Variants in INPP5D observed in about 807,000 individuals in gnomAD.
INPP5D encodes inositol polyphosphate-5-phosphatase D, also known as phosphatidylinositol 3,4,5-trisphosphate 5-phosphatase 1.
INPP5D carries 33 observed loss-of-function variants against 122.9 expected under a neutral mutation model. The ratio of observed to expected loss-of-function variants is 0.27; its 90% CI spans 0.20 to 0.36. The LOEUF (loss-of-function observed/expected upper bound fraction) is 0.36. Ranked by LOEUF, INPP5D falls within the 10% of genes least tolerant of loss-of-function variation. The pLI is 1.00. For missense variants in INPP5D, 1,053 were observed against 1,412.7 expected (o/e 0.75, Z 4.08); for synonymous variants, 584 against 576.2 (o/e 1.01, Z -0.19).
At chr2:233,120,169 C>G (rs1029488037) in intron 2 of INPP5D, among the ~76,000 whole-genome samples, 2 of 152,194 alleles carry the variant, frequency 1.3e-5, no homozygotes, top group Non-Finnish European at 2.9e-5. Context: ...AAGGATGGCG[C>G]CTTCTCAACT....
chr2:233,132,031 G>A (rs1166664455), intron 5 of INPP5D, among the ~76,000 whole-genome samples: 1 of 152,174 alleles, frequency 6.6e-6, no homozygotes, highest in Non-Finnish European at 1.5e-5. Flanking sequence ...TCAATGAATT[G>A]GCTTTCAACT....
At position 233,122,182 on chromosome 2, in the gene INPP5D, G is replaced by C. The variant is rs1693003847; in HGVS notation, c.274G>C (p.Gly92Arg). ...CGAGTTTTACAAGAAGGAAAACATGGGGCTGGTGACCCATCTGCAATACCC... is the reference window on the plus strand; with the variant it reads ...CGAGTTTTACAAGAAGGAAAACATGCGGCTGGTGACCCATCTGCAATACCC... ...LIEFYKKENM[G>R]LVTHLQYPVP... is the part of the protein sequence containing the mutation. Residue 92 changes from glycine (G) to arginine (R), a missense_variant, in exon 3 of 27, where the codon GGG (glycine) becomes CGG (arginine). Around this residue, in one of 6 missense-constraint regions of INPP5D, gnomAD observed 74 missense variants for 146.6 expected, o/e 0.50. Coordinates refer to ENST00000445964, the MANE Select transcript of INPP5D (RefSeq NM_001017915.3). 1.2e-6 allele frequency: 2 copies of C among 1,613,814 alleles called. No homozygotes were observed. The highest frequency in any genetic ancestry group is 1.7e-6 in the Non-Finnish European group (2 of 1,179,888).
intron 2 of INPP5D, among the ~76,000 whole-genome samples, chr2:233,103,700 TTC>T (rs1273027313): frequency 1.4e-5 from 2 of 147,936 alleles, no homozygotes; most frequent in Non-Finnish European, 3.0e-5. Context: ...AGAAAAGTAG[TTC>T]TTTTTTTTTT....
At chr2:233,076,530 T>C (rs1187426763) in intron 1 of INPP5D, 1 of 152,278 alleles carries the variant, frequency 6.6e-6, no homozygotes, top group Non-Finnish European at 1.5e-5. Context: ...CTCAAAATTC[T>C]TTTTAAGTAC....
intron 2 of INPP5D, among the ~76,000 whole-genome samples, chr2:233,106,599 C>T (rs1263816687): frequency 6.6e-6 from 1 of 152,234 alleles, no homozygotes; most frequent in African/African-American, 2.4e-5. Flanking sequence ...GCCCTTCTGC[C>T]ACAGCACCCC....
At chr2:233,145,175 G>A in intron 6 of INPP5D, 1 of 455,396 alleles carries the variant, frequency 2.2e-6, no homozygotes, top group Non-Finnish European at 4.4e-6. Context: ...TAGAATAGAT[G>A]CTTTGTAAAT....
At chr2:233,084,536 T>C (rs1167791009) in intron 2 of INPP5D, among the ~76,000 whole-genome samples, 1 of 152,216 alleles carries the variant, frequency 6.6e-6, no homozygotes, top group Non-Finnish European at 1.5e-5. Context: ...CTGTCACGTA[T>C]CTCCGGGCGA....
Position 233,160,306 on chromosome 2 carries a change from G to A in INPP5D, c.1138-1418G>A, listed in dbSNP as rs549969549. Among the ~76,000 whole-genome samples, 1 of 152,340 alleles carries A rather than the reference G, an allele frequency of 6.6e-6. No homozygotes were observed. The highest frequency in any genetic ancestry group is 2.4e-5 in the African/African-American group (1 of 41,590). ...CCTGAAATTTGTGTACTTTGTTAAA[G>A]TCCGCCTGCTCTATTGATTGCATCC... is the stretch of plus-strand genomic sequence containing the variant. On this transcript the variant is annotated intron_variant, in intron 10 of 26. Transcript: ENST00000445964. This position sits in a 1 kb window ranked among gnomAD's most constrained non-coding sequence, Gnocchi z 4.2.
intron 25 of INPP5D, among the ~76,000 whole-genome samples, chr2:233,203,563 A>G (rs1343888859): frequency 1.3e-5 from 2 of 152,156 alleles, no homozygotes; most frequent in African/African-American, 2.4e-5. Flanking sequence ...CTTGAGGTGA[A>G]ATTCACTTAA....
In INPP5D at chr2:233,139,466, C is replaced by CTGTGTGTGTGTG. The variant is rs1191977468; in HGVS notation, c.666-348_666-337dup. Among the ~76,000 whole-genome samples the CTGTGTGTGTGTG allele has an allele frequency of 6.4e-3, 942 of 147,524 alleles. 6 individuals carry two copies. The highest frequency in any genetic ancestry group is 0.02 in the African/African-American group (812 of 40,152). ...GCCCAGAAATTTGCATTGTTAACAC[C>CTGTGTGTGTGTG]TGTGTGTGTGTGTGTGTGTGTGTGT... On this transcript the variant is annotated intron_variant, in intron 5 of 26. Transcript: ENST00000445964.
chr2:233,146,462 G>A, intron 8 of INPP5D, 24 bp downstream of exon 8: 3 of 703,588 alleles, frequency 4.3e-6, no homozygotes, highest in Non-Finnish European at 5.2e-6. Flanking sequence ...GGACAGCAGA[G>A]CCTGGGCTTG....
intron 1 of INPP5D, among the ~76,000 whole-genome samples, chr2:233,064,671 A>G (rs904164963): frequency 2.0e-5 from 3 of 152,214 alleles, no homozygotes; most frequent in South Asian, 4.1e-4. Context: ...CCAGGATTGC[A>G]TGCATGATCT....
At chr2:233,113,562 G>A (rs551016064) in intron 2 of INPP5D, among the ~76,000 whole-genome samples, 18 of 152,216 alleles carry the variant, frequency 1.2e-4, no homozygotes, top group South Asian at 6.2e-4. Context: ...ACTGAAGGAG[G>A]CCTCAAAAGC....
intron 2 of INPP5D, among the ~76,000 whole-genome samples, chr2:233,089,380 A>G (rs1394090404): frequency 2.0e-5 from 3 of 152,240 alleles, no homozygotes; most frequent in African/African-American, 7.2e-5. Flanking sequence ...AAAGGCTCAG[A>G]TGAGATAACA....
chr2:233,202,127 C>G lies in INPP5D; in HGVS notation c.2976-1999C>G, dbSNP rs570783900. On this transcript the variant is annotated intron_variant, in intron 25 of 26. Transcript: ENST00000445964. ...AAAAGGGCTTGCACCCAGGGCTCTTCCTGGTCCTGCCCCCAGTTCTCTGAA... is the reference window on the plus strand; with the variant it reads ...AAAAGGGCTTGCACCCAGGGCTCTTGCTGGTCCTGCCCCCAGTTCTCTGAA... Among the ~76,000 whole-genome samples the G allele has an allele frequency of 6.8e-4, 104 of 152,264 alleles. 1 individual carries two copies. The highest frequency in any genetic ancestry group is 2.3e-3 in the African/African-American group (96 of 41,546).
At chr2:233,098,934 ATT>A (rs1692224974) in intron 2 of INPP5D, among the ~76,000 whole-genome samples, 1 of 35,194 alleles carries the variant, frequency 2.8e-5, no homozygotes, top group Admixed American at 3.6e-4. Flanking sequence ...TTGGAACTTT[ATT>A]TTTATTTATT....
intron 1 of INPP5D, among the ~76,000 whole-genome samples, chr2:233,061,842 C>T (rs1049805243): frequency 6.6e-5 from 10 of 152,220 alleles, no homozygotes; most frequent in South Asian, 2.1e-4. Flanking sequence ...CCCAGTCCAG[C>T]GGGGCAGGCA....
At chr2:233,165,482 G>T (rs1694307395) in intron 13 of INPP5D, among the ~76,000 whole-genome samples, 1 of 151,944 alleles carries the variant, frequency 6.6e-6, no homozygotes, top group African/African-American at 2.4e-5. Flanking sequence ...GTGTTTGTGA[G>T]TGTATTTATG....
intron 2 of INPP5D, among the ~76,000 whole-genome samples, chr2:233,116,191 G>C (rs919019629): frequency 5.4e-5 from 8 of 147,668 alleles, no homozygotes; most frequent in Admixed American, 6.7e-5. Context: ...GCTACTCTGA[G>C]CCTGAGATGT....
Sources: allele counts gnomAD v4.1 joint callset (sites outside exome capture counted in the v4.1 genomes callset), GRCh38; gene constraint gnomAD v4.1.1; regional missense constraint gnomAD v4.1.1; non-coding constraint Gnocchi (gnomAD v3.1); transcripts MANE v1.5; gene names NCBI Gene and HGNC (gene_info 2026-07-23, HGNC 2026-07-21).